The following CEACAM1 variants were observed in gnomAD, a reference collection of about 807,000 sequenced individuals.
CEACAM1 encodes CEA cell adhesion molecule 1.
Under a neutral mutation model 49.1 loss-of-function variants are expected in CEACAM1, and 31 were observed. The observed-to-expected ratio is 0.63, with a 90% CI of 0.47 to 0.85. The LOEUF is 0.85. Ranked by LOEUF, CEACAM1 falls within the 40% of genes least tolerant of loss-of-function variation. The pLI is 0.00. For synonymous variants in CEACAM1, 244 were observed against 247.8 expected, an observed-to-expected ratio of 0.98 and a Z score of 0.14; for missense variants, 570 against 645.3, an observed-to-expected ratio of 0.88 and a Z score of 1.26.
chr19:42,518,974 C>A lies in CEACAM1; in HGVS notation c.1220G>T (p.Ser407Ile). ...GTTTACGTTCAGCATGATGGGGTCG[C>A]TTTGGTTCTTACTGATTGGGTTGAA... ...EVFNPISKNQ[S>I]DPIMLNVNYN... The change falls in exon 5 of 9, where the codon AGC (serine) becomes ATC (isoleucine). Residue 407 changes from serine (S) to isoleucine (I), a missense_variant. Physicochemically the swap from Ser to Ile is moderately radical, Grantham distance 142 (BLOSUM62 -2). Transcript: ENST00000161559. 1 of 1,614,166 alleles carries A rather than the reference C, an allele frequency of 6.2e-7. No individual in the cohort carries two copies. The highest frequency in any genetic ancestry group is 8.5e-7 in the Non-Finnish European group (1 of 1,180,028).
chr19:42,516,199 A>G (rs2041595968), intron 5 of CEACAM1, among the ~76,000 whole-genome samples: 1 of 152,216 alleles, frequency 6.6e-6, no homozygotes, highest in African/African-American at 2.4e-5. Flanking sequence ...CAAGAAAAAA[A>G]AAGCATCTAG....
chr19:42,511,964 T>G (rs2041468357), intron 6 of CEACAM1, among the ~76,000 whole-genome samples: 1 of 152,138 alleles, frequency 6.6e-6, no homozygotes, highest in Non-Finnish European at 1.5e-5. Flanking sequence ...TTGCTTTCTC[T>G]TAGGTTCTCT....
At position 42,528,404 on chromosome 19, in the gene CEACAM1, G is replaced by A. The variant is rs1225548179; in HGVS notation, c.-30C>T. 6.2e-7 allele frequency: 1 copy of A among 1,610,664 alleles called. No homozygotes were observed. The highest frequency in any genetic ancestry group is 1.1e-5 in the South Asian group (1 of 90,998). ...TCTCCTGCTGGCCCTGTCTTCACCTGTGGAGGAGAGCTTGGGCTCCAGGAA... is the reference window on the plus strand; with the variant it reads ...TCTCCTGCTGGCCCTGTCTTCACCTATGGAGGAGAGCTTGGGCTCCAGGAA... On this transcript the variant is annotated 5_prime_UTR_variant, in exon 1 of 9. Coordinates refer to ENST00000161559, the MANE Select transcript of CEACAM1 (RefSeq NM_001712.5).
chr19:42,526,936 G>C, intron 2 of CEACAM1, 105 bp downstream of exon 2: 2 of 1,517,998 alleles, frequency 1.3e-6, no homozygotes, highest in Non-Finnish European at 1.8e-6. Context: ...CTTAACATGG[G>C]GTATAATGCA....
chr19:42,521,080 G>GAAA (rs2041733187), intron 4 of CEACAM1, 187 bp downstream of exon 4: 15 of 683,388 alleles, frequency 2.2e-5, no homozygotes, highest in Non-Finnish European at 3.5e-5. Flanking sequence ...AAGGTCAGCT[G>GAAA]TGAGAAATCA....
intron 4 of CEACAM1, chr19:42,520,720 C>T (rs1045479080): frequency 6.3e-6 from 1 of 157,538 alleles, no homozygotes; most frequent in Non-Finnish European, 1.4e-5. Flanking sequence ...ACCTGGACAC[C>T]TTCTGCACAC....
At chr19:42,516,882 A>C (rs1204249181) in intron 5 of CEACAM1, 1 of 424,422 alleles carries the variant, frequency 2.4e-6, no homozygotes, top group Non-Finnish European at 4.6e-6. Flanking sequence ...AGAAAAGCAA[A>C]AAAACAAAAC....
At chr19:42,519,778 C>G (rs1257427338) in intron 4 of CEACAM1, among the ~76,000 whole-genome samples, 1 of 152,006 alleles carries the variant, frequency 6.6e-6, no homozygotes, top group Non-Finnish European at 1.5e-5. Flanking sequence ...ACCATGTTAG[C>G]CAGGATGGTC....
intron 2 of CEACAM1, among the ~76,000 whole-genome samples, chr19:42,522,610 G>A (rs2041785235): frequency 6.6e-6 from 1 of 150,700 alleles, no homozygotes; most frequent in African/African-American, 2.4e-5. Context: ...TGCTGAGGCT[G>A]GGGTGCAGTG....
rs144709978 is a variant in CEACAM1, at chr19:42,522,070, G to A, written c.557C>T (p.Pro186Leu). ...YLWWINNQSL[P>L]VSPRLQLSNG... ...GGACAGCTGCAGCCTGGGACTGACC[G>A]GGAGGCTCTGATTGTTTATCCACCA... The change falls in exon 3 of 9, where the codon CCG (proline) becomes CTG (leucine). Residue 186 changes from proline to leucine, a missense_variant. Coordinates refer to ENST00000161559, the MANE Select transcript of CEACAM1 (RefSeq NM_001712.5). The A allele has an allele frequency of 5.0e-6, 8 of 1,614,172 alleles. No homozygotes were observed. Among genetic ancestry groups the A allele is most frequent in the Admixed American group, 1.7e-5 (1 of 60,022 alleles).
Position 42,527,362 on chromosome 19 carries a change from G to T in CEACAM1, c.103C>A (p.Gln35Lys), listed in dbSNP as rs8111171. Residue 35 changes from glutamine (Q) to lysine (K), a missense_variant, in exon 2 of 9, where the codon CAG becomes AAG. Transcript: ENST00000161559. ...LTFWNPPTTAQLTTESMPFNV... is the reference protein window; with the variant it reads ...LTFWNPPTTAKLTTESMPFNV... ...AATGGCATGGATTCAGTAGTGAGCT[G>T]GGCAGTGGTGGGCGGGTTCCAGAAG... 32,450 of 1,609,708 alleles carry T rather than the reference G, an allele frequency of 0.02. 5,121 individuals are homozygous for T. In the African/African-American group the frequency reaches 0.36, roughly 18 times the overall value.
intron 7 of CEACAM1, 21 bp downstream of exon 7, chr19:42,511,554 TG>T (rs763172636): frequency 6.2e-7 from 1 of 1,604,604 alleles, no homozygotes; most frequent in Non-Finnish European, 8.5e-7. Flanking sequence ...CAGTTCTCAC[TG>T]GGGTAAGTGG....
At chr19:42,520,847 A>G (rs2041727133) in intron 4 of CEACAM1, 1 of 190,122 alleles carries the variant, frequency 5.3e-6, no homozygotes, top group African/African-American at 2.3e-5. Context: ...TCCTTCTCTC[A>G]TTTAGGGAAA....
chr19:42,509,748 T>A (rs150519802), intron 8 of CEACAM1, among the ~76,000 whole-genome samples: 1 of 152,094 alleles, frequency 6.6e-6, no homozygotes, highest in African/African-American at 2.4e-5. Context: ...TGTCTCAGCC[T>A]CCCAAGTAGC....
intron 3 of CEACAM1, 134 bp from the exon 4 acceptor site, chr19:42,521,655 A>G: frequency 3.3e-6 from 5 of 1,527,476 alleles, no homozygotes; most frequent in Non-Finnish European, 4.4e-6. Flanking sequence ...CATTGTGTCC[A>G]CTGAGTCTGG....
At chr19:42,516,819 G>T in intron 5 of CEACAM1, 1 of 391,814 alleles carries the variant, frequency 2.6e-6, no homozygotes, top group South Asian at 1.8e-5. Context: ...GATTGCTTGA[G>T]CTCAGGAGTT....
In CEACAM1 at chr19:42,519,053, G is replaced by A. The variant is rs764452462; in HGVS notation, c.1141C>T (p.Leu381Phe). 1.2e-6 allele frequency: 2 copies of A among 1,614,084 alleles called. No individual in the cohort carries two copies. Among genetic ancestry groups the A allele is most frequent in the Non-Finnish European group, 1.7e-6 (2 of 1,180,040 alleles). The stretch of plus-strand genomic sequence containing the variant: ...TCCCTCTTGACAGGGTTTATGCTGA[G>A]GGTGGTGTTGCCCTGGGACAGCTTC... ...RMKLSQGNTT[L>F]SINPVKREDA... is the part of the protein sequence containing the mutation. Residue 381 changes from leucine to phenylalanine, a missense_variant, in exon 5 of 9, where the codon CTC (leucine) becomes TTC (phenylalanine). By Grantham distance (22) the Leu-to-Phe change is conservative. Coordinates refer to ENST00000161559, the MANE Select transcript of CEACAM1 (RefSeq NM_001712.5).
At chr19:42,528,186 C>A (rs2041941968) in intron 1 of CEACAM1, 125 bp downstream of exon 1, 1 of 714,222 alleles carries the variant, frequency 1.4e-6, no homozygotes, top group East Asian at 2.7e-5. Flanking sequence ...CCTTTCATGT[C>A]CTCTCTCCTA....
At chr19:42,521,578 T>G in intron 3 of CEACAM1, 57 bp from the exon 4 acceptor site, 1 of 1,583,324 alleles carries the variant, frequency 6.3e-7, no homozygotes, top group African/African-American at 1.3e-5. Flanking sequence ...GGGAAGCTGC[T>G]GGTCTGGAGA....
Sources: gnomAD v4.1 joint callset for allele counts (sites outside exome capture counted in the v4.1 genomes callset) on GRCh38, gnomAD v4.1.1 for gene constraint, MANE v1.5 for transcripts, NCBI Gene and HGNC (gene_info 2026-07-23, HGNC 2026-07-21) for gene names.